The following WHAMM variants were observed in gnomAD, a reference collection of about 807,000 sequenced individuals.
WHAMM encodes WASP homolog associated with actin, golgi membranes and microtubules.
WHAMM carries 67 observed loss-of-function variants against 76.5 expected under a neutral mutation model. That is an observed-to-expected ratio of 0.88 (90% CI 0.72 to 1.07). The LOEUF (loss-of-function observed/expected upper bound fraction) is 1.07, where lower values mean the gene tolerates loss of function less well. Ranked by LOEUF, WHAMM falls within the 50% of genes least tolerant of loss-of-function variation. The pLI is 0.00. For synonymous variants in WHAMM, 419 were observed against 422.1 expected, an observed-to-expected ratio of 0.99 and a Z score of 0.09; for missense variants, 1,021 against 1,051.1, an observed-to-expected ratio of 0.97 and a Z score of 0.40.
At position 82,819,520 on chromosome 15, in the gene WHAMM, A is replaced by G. The variant is rs1294513620; in HGVS notation, c.1270+32A>G. 3 of 1,077,014 alleles carry G rather than the reference A, an allele frequency of 2.8e-6. No individual in the cohort carries two copies. The East Asian group carries it at 1.0e-4, about 37-fold the overall frequency. 66.7% of individuals were successfully genotyped at this position (1,077,014 alleles called of 1,614,324 possible). ...TTTAAGTATATAGATTGCAATGTTT[A>G]AATTATAAATTTAAGGAAATACAGA... On this transcript the variant is annotated intron_variant, in intron 5 of 9. Transcript: ENST00000286760.
At chr15:82,819,542 C>A in intron 5 of WHAMM, 54 bp downstream of exon 5, 1 of 931,228 alleles carries the variant, frequency 1.1e-6, no homozygotes, top group Non-Finnish European at 1.5e-6. Context: ...TAAGGAAATA[C>A]AGACCATATT....
Position 82,818,016 on chromosome 15 carries a change from C to T in WHAMM, c.1031C>T (p.Ala344Val). 1 of 1,549,728 alleles carries T rather than the reference C, an allele frequency of 6.5e-7. No homozygotes were observed. The highest frequency in any genetic ancestry group is 2.4e-5 in the East Asian group (1 of 40,992). Residue 344 changes from alanine to valine, a missense_variant, in exon 4 of 10, where the codon GCT (alanine) becomes GTT (valine). By Grantham distance (64) the Ala-to-Val change is moderately conservative (BLOSUM62 0). This residue lies in a region of WHAMM where 501 missense variants were observed against 524.9 expected (regional missense o/e 0.95). Transcript: ENST00000286760. The part of the protein sequence containing the change: ...PRLEKLQLML[A>V]RETLQLMRAK... ...TTGGAAAAACTTCAGCTAATGCTAG[C>T]TCGAGAGACTCTGCAACTCATGAGA... is the stretch of plus-strand genomic sequence containing the variant.
intron 2 of WHAMM, among the ~76,000 whole-genome samples, chr15:82,814,863 G>T (rs1274810131): frequency 7.0e-6 from 1 of 141,906 alleles, no homozygotes; most frequent in Non-Finnish European, 1.5e-5. Flanking sequence ...TCTGCCTCCT[G>T]GGTTCACGCC....
chr15:82,810,280 T>C lies in WHAMM; in HGVS notation c.554T>C (p.Phe185Ser). 2 of 1,370,376 alleles carry C rather than the reference T, an allele frequency of 1.5e-6. No individual in the cohort carries two copies. The highest frequency in any genetic ancestry group is 1.9e-6 in the Non-Finnish European group (2 of 1,064,962). The allele number at this position is 1,370,376 out of a possible 1,614,324, so 84.9% of individuals were successfully genotyped here. ...GAADCESPREFRERALRARWV... is the reference protein window; with the variant it reads ...GAADCESPRESRERALRARWV... ...GCCGACTGCGAAAGCCCGCGCGAGT[T>C]CCGGGAGCGGGCCTTGCGCGCGCGG... Residue 185 changes from phenylalanine (F) to serine (S), a missense_variant, in exon 1 of 10, where the codon TTC becomes TCC. By Grantham distance (155) the Phe-to-Ser change is radical. Coordinates refer to ENST00000286760, the MANE Select transcript of WHAMM (RefSeq NM_001080435.3).
chr15:82,833,648 C>A lies in WHAMM; in HGVS notation c.*112C>A. 1 of 1,198,388 alleles carries A rather than the reference C, an allele frequency of 8.3e-7. No individual in the cohort carries two copies. Among genetic ancestry groups the A allele is most frequent in the Non-Finnish European group, 1.1e-6 (1 of 872,808 alleles). The allele number at this position is 1,198,388 out of a possible 1,614,324, so 74.2% of individuals were successfully genotyped here. A position where few individuals can be genotyped will look rare whatever the true frequency, so the allele number is the denominator to read the frequency against. ...GCTGATAGATGGGCCACATAACACCCCGGAAGATCAGCAGGGCCTTGTGTA... is the reference window on the plus strand; with the variant it reads ...GCTGATAGATGGGCCACATAACACCACGGAAGATCAGCAGGGCCTTGTGTA... On this transcript the variant is annotated 3_prime_UTR_variant, in exon 10 of 10. Coordinates refer to ENST00000286760, the MANE Select transcript of WHAMM (RefSeq NM_001080435.3).
At chr15:82,819,760 G>C (rs570156204) in intron 5 of WHAMM, among the ~76,000 whole-genome samples, 4 of 152,246 alleles carry the variant, frequency 2.6e-5, no homozygotes, top group African/African-American at 7.2e-5. Flanking sequence ...GTGGGAGGCC[G>C]AGGCGGGCAG....
chr15:82,818,533 A>G (rs764612998), intron 4 of WHAMM, among the ~76,000 whole-genome samples: 15 of 152,232 alleles, frequency 9.9e-5, no homozygotes, highest in Non-Finnish European at 1.9e-4. Context: ...TTCACTTTAT[A>G]GTAATACCAA....
At chr15:82,824,745 C>T (rs1334506130) in intron 6 of WHAMM, among the ~76,000 whole-genome samples, 4 of 152,244 alleles carry the variant, frequency 2.6e-5, no homozygotes, top group East Asian at 1.9e-4. Context: ...GGATTAGAGG[C>T]GTGAGCCACT....
At chr15:82,826,575 C>T (rs760469932) in intron 7 of WHAMM, 79 bp downstream of exon 7, 52 of 1,583,030 alleles carry the variant, frequency 3.3e-5, no homozygotes, top group Middle Eastern at 3.3e-4. Context: ...ACTGGAGTTG[C>T]GCTGCCCTGG....
rs759497158 is a variant in WHAMM, at chr15:82,809,748, A to G, written c.22A>G (p.Ser8Gly). The G allele has an allele frequency of 1.3e-6, 2 of 1,554,764 alleles. No individual in the cohort carries two copies. Among genetic ancestry groups the G allele is most frequent in the East Asian group, 2.3e-5 (1 of 43,260 alleles). Residue 8 changes from serine to glycine, a missense_variant, in exon 1 of 10, where the codon AGC becomes GGC. Around this residue, in one of 3 missense-constraint regions of WHAMM, gnomAD observed 501 missense variants for 524.9 expected, o/e 0.95. Transcript: ENST00000286760. Reference protein sequence around the residue: MEDEQPDSLEGWVPVREG... With the variant: MEDEQPDGLEGWVPVREG... ...AGCCATGGAGGACGAGCAGCCTGACAGCCTGGAGGGCTGGGTGCCGGTCCG... is the reference window on the plus strand; with the variant it reads ...AGCCATGGAGGACGAGCAGCCTGACGGCCTGGAGGGCTGGGTGCCGGTCCG...
chr15:82,816,900 A>C, intron 3 of WHAMM, 58 bp downstream of exon 3: 2 of 1,503,048 alleles, frequency 1.3e-6, no homozygotes, highest in Non-Finnish European at 1.8e-6. Context: ...ATTTTATTCA[A>C]ATACCATTTG....
intron 9 of WHAMM, 101 bp from the exon 10 acceptor site, chr15:82,833,128 A>G: frequency 7.8e-7 from 1 of 1,279,210 alleles, no homozygotes; most frequent in Non-Finnish European, 1.1e-6. Flanking sequence ...TGTTTAAATC[A>G]TGGTGTTAAC....
chr15:82,813,390 G>T, intron 2 of WHAMM, 114 bp downstream of exon 2: 3 of 1,053,854 alleles, frequency 2.8e-6, no homozygotes, highest in East Asian at 2.8e-5. Flanking sequence ...TTACCATTAT[G>T]TTTATTTATT....
At chr15:82,813,439 C>T (rs1343359987) in intron 2 of WHAMM, among the ~76,000 whole-genome samples, 163 bp downstream of exon 2, 2 of 152,062 alleles carry the variant, frequency 1.3e-5, no homozygotes, top group Non-Finnish European at 2.9e-5. Flanking sequence ...TGCCATGTTG[C>T]TCAGGCTGGT....
intron 2 of WHAMM, among the ~76,000 whole-genome samples, 182 bp downstream of exon 2, chr15:82,813,458 C>T (rs745386499): frequency 2.0e-5 from 3 of 152,026 alleles, no homozygotes; most frequent in Non-Finnish European, 4.4e-5. Flanking sequence ...GTTTCGAACT[C>T]CTGAGCTCAA....
At chr15:82,828,940 A>G (rs1195647503) in intron 8 of WHAMM, among the ~76,000 whole-genome samples, 1 of 152,220 alleles carries the variant, frequency 6.6e-6, no homozygotes, top group Non-Finnish European at 1.5e-5. Flanking sequence ...ATGTATGGAC[A>G]GCGGCCATAC....
rs186440755 is a variant in WHAMM, at chr15:82,824,031, T to A, written c.1458+744T>A. Among the ~76,000 whole-genome samples the A allele has an allele frequency of 2.0e-5, 3 of 152,224 alleles. No homozygotes were observed. The East Asian group carries it at 5.8e-4, about 29-fold the overall frequency. ...ATTTGGTGATTTTTTTTCTTAATTT[T>A]AAAAAATCCATGAATACATAAAAAG... On this transcript the variant is annotated intron_variant, in intron 6 of 9. Transcript: ENST00000286760.
intron 5 of WHAMM, among the ~76,000 whole-genome samples, chr15:82,822,191 T>A (rs2050839055): frequency 6.6e-6 from 1 of 152,190 alleles, no homozygotes. Flanking sequence ...AGATTATATA[T>A]GACTAAGACA....
At position 82,830,622 on chromosome 15, in the gene WHAMM, A is replaced by T. The variant is rs763386369; in HGVS notation, c.1665A>T (p.Arg555=). 4 of 1,613,480 alleles carry T rather than the reference A, an allele frequency of 2.5e-6. No individual in the cohort carries two copies. In the East Asian group the frequency reaches 8.9e-5, roughly 36 times the overall value. ...AGAAACGCCTAGCTCAATCTGTCCG[A>T]AACACCTCTGGCTCAGAACCTGTGG... The part of the protein sequence containing the change: ...FKDKRLAQSV[R]NTSGSEPVAP... Residue 555 remains arginine, a synonymous_variant, in exon 9 of 10, where the codon CGA becomes CGT. Coordinates refer to ENST00000286760, the MANE Select transcript of WHAMM (RefSeq NM_001080435.3).
Sources: allele counts gnomAD v4.1 joint callset (sites outside exome capture counted in the v4.1 genomes callset), GRCh38; gene constraint gnomAD v4.1.1; regional missense constraint gnomAD v4.1.1; transcripts MANE v1.5; gene names NCBI Gene and HGNC (gene_info 2026-07-23, HGNC 2026-07-21).